The following RPS9 variants were observed in gnomAD, a reference collection of about 807,000 sequenced individuals.
The protein encoded by RPS9 is ribosomal protein S9.
A neutral mutation model predicts 16.9 loss-of-function variants in RPS9; 1 was observed. The observed-to-expected ratio is 0.06, with a 90% CI of 0.02 to 0.28. The LOEUF is 0.28. RPS9 is among the 10% of genes least tolerant of loss of function. RPS9 has a pLI of 1.00. For synonymous variants in RPS9, 106 were observed against 110.9 expected (o/e 0.96, Z 0.28); for missense variants, 137 against 273.2 (o/e 0.50, Z 3.51).
chr19:54,203,163 C>G (rs966277685), intron 3 of RPS9: 2 of 927,862 alleles, frequency 2.2e-6, no homozygotes, highest in Non-Finnish European at 2.6e-6. Flanking sequence ...GGACATAGAT[C>G]CTAATTGCAA....
At chr19:54,205,239 C>G (rs1264298744) in intron 3 of RPS9, among the ~76,000 whole-genome samples, 1 of 151,942 alleles carries the variant, frequency 6.6e-6, no homozygotes, top group East Asian at 1.9e-4. Flanking sequence ...GCGTTTGCCC[C>G]CAGGGCCCTG....
Position 54,201,200 on chromosome 19 carries a change from A to G in RPS9, c.16A>G (p.Ser6Gly). The G allele has an allele frequency of 6.2e-7, 1 of 1,608,598 alleles. No homozygotes were observed. The highest frequency in any genetic ancestry group is 8.5e-7 in the Non-Finnish European group (1 of 1,175,820). ...CGGAGCCAACATGCCAGTGGCCCGG[A>G]GCTGGGTTTGTCGCAAAACTTATGT... MPVAR[S>G]WVCRKTYVTP... Residue 6 changes from serine (S) to glycine (G), a missense_variant, in exon 2 of 5, where the codon AGC becomes GGC. Physicochemically the swap from Ser to Gly is moderately conservative, Grantham distance 56. Around this residue, in one of 3 missense-constraint regions of RPS9, gnomAD observed 64 missense variants for 164.0 expected, o/e 0.39. Coordinates refer to ENST00000302907, the MANE Select transcript of RPS9 (RefSeq NM_001013.4).
At chr19:54,201,966 G>A in intron 3 of RPS9, 1 of 260,826 alleles carries the variant, frequency 3.8e-6, no homozygotes, top group Non-Finnish European at 7.3e-6. Flanking sequence ...CTAAGTGATG[G>A]TGATAACAGG....
At chr19:54,204,636 A>C (rs1405343501) in intron 3 of RPS9, among the ~76,000 whole-genome samples, 1 of 152,016 alleles carries the variant, frequency 6.6e-6, no homozygotes. Flanking sequence ...CTAGTTTCAA[A>C]CTTCTGGACT....
intron 1 of RPS9, 21 bp from the exon 2 acceptor site, chr19:54,201,139 T>C: frequency 6.2e-7 from 1 of 1,612,140 alleles, no homozygotes; most frequent in Non-Finnish European, 8.5e-7. Flanking sequence ...TCCCTTACGC[T>C]CACACTTCTC....
chr19:54,202,385 A>G (rs938273111), intron 3 of RPS9: 15 of 974,270 alleles, frequency 1.5e-5, no homozygotes, highest in African/African-American at 5.3e-5. Context: ...GGTTTTCACC[A>G]TGTTGTCCAG....
intron 3 of RPS9, chr19:54,203,199 C>T (rs1289167236): frequency 1.6e-5 from 15 of 931,808 alleles, no homozygotes; most frequent in Non-Finnish European, 1.8e-5. Flanking sequence ...TGTGAGAAAG[C>T]GGTGCAGGTG....
At chr19:54,204,998 T>C (rs1454919542) in intron 3 of RPS9, among the ~76,000 whole-genome samples, 1 of 152,224 alleles carries the variant, frequency 6.6e-6, no homozygotes, top group Non-Finnish European at 1.5e-5. Context: ...GTGAGCTAGC[T>C]TTCTTTCAAA....
intron 3 of RPS9, among the ~76,000 whole-genome samples, chr19:54,203,566 A>T (rs2077134158): frequency 6.6e-6 from 1 of 152,180 alleles, no homozygotes; most frequent in African/African-American, 2.4e-5. Flanking sequence ...GGAGACCTCA[A>T]GTCAGAGACC....
intron 1 of RPS9, 46 bp from the exon 2 acceptor site, chr19:54,201,114 C>T (rs2077029105): frequency 3.1e-6 from 5 of 1,608,898 alleles, no homozygotes; most frequent in East Asian, 4.5e-5. Context: ...TGGGACTGCG[C>T]AGGCGCCGTT....
At position 54,204,252 on chromosome 19, in the gene RPS9, C is replaced by T. The variant is rs1030354235; in HGVS notation, c.221-2024C>T. Among the ~76,000 whole-genome samples the T allele has an allele frequency of 3.3e-5, 5 of 152,088 alleles. No individual in the cohort carries two copies. The South Asian group carries it at 6.2e-4, about 19-fold the overall frequency. The stretch of plus-strand genomic sequence containing the variant: ...ATACAAAATTAGCGGGGCGTGGTGG[C>T]GCATGCCTTTAATCCCAGGCTGAGG... On this transcript the variant is annotated intron_variant, in intron 3 of 4. Coordinates refer to ENST00000302907, the MANE Select transcript of RPS9 (RefSeq NM_001013.4).
rs14642 is a variant in RPS9, at chr19:54,207,471, C to T, written c.481C>T (p.Leu161=). The change falls in exon 5 of 5, where the codon CTG becomes TTG. Residue 161 remains leucine, a synonymous_variant. Transcript: ENST00000302907. ...LDSQKHIDFS[L]RSPYGGGRPG... is the part of the protein sequence containing the mutation. ...TTCCCAGAAGCACATCGACTTCTCT[C>T]TGCGCTCTCCCTACGGGGGTGGCCG... 2 of 1,613,698 alleles carry T rather than the reference C, an allele frequency of 1.2e-6. No individual in the cohort carries two copies. Among genetic ancestry groups the T allele is most frequent in the Non-Finnish European group, 1.7e-6 (2 of 1,180,018 alleles).
At chr19:54,201,067 G>C (rs2077026245) in intron 1 of RPS9, 93 bp from the exon 2 acceptor site, 2 of 1,524,356 alleles carry the variant, frequency 1.3e-6, no homozygotes, top group East Asian at 4.8e-5. Flanking sequence ...ATTCTCGCGA[G>C]ATCGGATCTG....
Position 54,207,499 on chromosome 19 carries a change from C to T in RPS9, c.509C>T (p.Pro170Leu), listed in dbSNP as rs1568906846. 1.9e-6 allele frequency: 3 copies of T among 1,613,180 alleles called. No homozygotes were observed. The highest frequency in any genetic ancestry group is 2.5e-6 in the Non-Finnish European group (3 of 1,180,028). Residue 170 changes from proline to leucine, a missense_variant, in exon 5 of 5, where the codon CCG becomes CTG. Around this residue, in one of 3 missense-constraint regions of RPS9, gnomAD observed 54 missense variants for 90.9 expected, o/e 0.59. Coordinates refer to ENST00000302907, the MANE Select transcript of RPS9 (RefSeq NM_001013.4). ...CGCTCTCCCTACGGGGGTGGCCGCC[C>T]GGGCCGCGTGAAGAGGAAGAATGCC... ...SLRSPYGGGR[P>L]GRVKRKNAKK...
intron 3 of RPS9, chr19:54,203,252 C>G (rs111283679): frequency 1.0e-5 from 10 of 984,726 alleles, no homozygotes; most frequent in Non-Finnish European, 1.2e-5. Flanking sequence ...AGTGAAAATT[C>G]CCAAGGGGTA....
chr19:54,201,874 G>A (rs1302236368), intron 3 of RPS9: 1 of 582,396 alleles, frequency 1.7e-6, no homozygotes, highest in African/African-American at 1.8e-5. Flanking sequence ...GCACACCTGG[G>A]CACCCGTCTA....
At chr19:54,201,112 C>T (rs1163012958) in intron 1 of RPS9, 48 bp from the exon 2 acceptor site, 10 of 1,607,976 alleles carry the variant, frequency 6.2e-6, no homozygotes, top group South Asian at 1.1e-5. Flanking sequence ...TGTGGGACTG[C>T]GCAGGCGCCG....
intron 3 of RPS9, among the ~76,000 whole-genome samples, chr19:54,204,979 C>A (rs1316291283): frequency 6.6e-6 from 1 of 152,184 alleles, no homozygotes; most frequent in African/African-American, 2.4e-5. Flanking sequence ...AACTTTGGGT[C>A]CTCACAAAGT....
chr19:54,206,839 G>A (rs1285930782), intron 4 of RPS9: 6 of 901,918 alleles, frequency 6.7e-6, no homozygotes, highest in South Asian at 1.8e-5. Context: ...CCCGATCCAT[G>A]ACTGCGTTCT....
Sources: allele counts gnomAD v4.1 joint callset (sites outside exome capture counted in the v4.1 genomes callset), GRCh38; gene constraint gnomAD v4.1.1; regional missense constraint gnomAD v4.1.1; transcripts MANE v1.5; gene names NCBI Gene and HGNC (gene_info 2026-07-23, HGNC 2026-07-21).